HOTAIR: variants seen among roughly 807,000 people sequenced by gnomAD.
HOTAIR encodes HOX transcript antisense RNA, also known as HOX transcript antisense RNA (non-protein coding).
At chr12:53,970,537 A>C (rs1310215466) in intron 1 of HOTAIR, among the ~76,000 whole-genome samples, 2 of 152,124 alleles carry the variant, frequency 1.3e-5, no homozygotes, top group Non-Finnish European at 2.9e-5. Context: ...GATTTGTTGA[A>C]AAACTAAGCC....
chr12:53,972,661 C>A (rs1040162564), intron 1 of HOTAIR, among the ~76,000 whole-genome samples: 1 of 152,138 alleles, frequency 6.6e-6, no homozygotes, highest in African/African-American at 2.4e-5. Context: ...GGTGTCTCTG[C>A]GGGTTGGAAG....
rs1352266435 is a variant in HOTAIR at position 53,973,352 on chromosome 12, C to A, written n.59+1546G>T. 1.2e-6 allele frequency: 2 copies of A among 1,612,456 alleles called. No individual in the cohort carries two copies. The highest frequency in any genetic ancestry group is 1.7e-6 in the Non-Finnish European group (2 of 1,179,460). ...CCTCCAACCTCTATCTGCCCAGTTG[C>A]ACTTACTACATGCCCGAGTTCTCCA... is the stretch of plus-strand genomic sequence containing the variant. On this transcript the variant is annotated intron_variant and non_coding_transcript_variant, in intron 1 of 6. Coordinates refer to ENST00000424518, the Ensembl canonical transcript of HOTAIR. The surrounding 1 kb of genome is among the most constrained non-coding windows in gnomAD (Gnocchi z 4.3).
At chr12:53,971,146 G>T (rs547389991) in intron 1 of HOTAIR, among the ~76,000 whole-genome samples, 1 of 152,218 alleles carries the variant, frequency 6.6e-6, no homozygotes, top group South Asian at 2.1e-4. Context: ...TCTATAAAAA[G>T]GGCTAGAGGA....
chr12:53,965,950 A>T (rs1455041709), intron 5 of HOTAIR: 1 of 152,272 alleles, frequency 6.6e-6, no homozygotes, highest in Non-Finnish European at 1.5e-5. Flanking sequence ...GTGAAGGTCA[A>T]GTTAGCATCG....
chr12:53,972,572 A>G (rs1291649893), intron 1 of HOTAIR, among the ~76,000 whole-genome samples: 1 of 152,318 alleles, frequency 6.6e-6, no homozygotes, highest in African/African-American at 2.4e-5. Flanking sequence ...GAGTCTCTCT[A>G]AGGACTCCAG....
chr12:53,973,609 G>A lies in HOTAIR; in HGVS notation n.59+1289C>T, dbSNP rs769147038. On this transcript the variant is annotated intron_variant and non_coding_transcript_variant, in intron 1 of 6. Transcript: ENST00000424518. The surrounding 1 kb of genome is among the most constrained non-coding windows in gnomAD (Gnocchi z 4.3). ...ATGAAAAACGAAGGCTCCTACGGCG[G>A]CCACCACCACCCCAGCGCCCCGCAC... The A allele has an allele frequency of 1.6e-5, 26 of 1,613,202 alleles. No individual in the cohort carries two copies. The highest frequency in any genetic ancestry group is 2.0e-5 in the Non-Finnish European group (24 of 1,179,962).
chr12:53,972,253 CT>C (rs1009309417), intron 1 of HOTAIR, among the ~76,000 whole-genome samples: 1 of 152,224 alleles, frequency 6.6e-6, no homozygotes, highest in African/African-American at 2.4e-5. Context: ...CATTCCAATC[CT>C]TTTCTTTGGG....
chr12:53,968,248 G>C (rs1939089531), intron 2 of HOTAIR: 1 of 152,178 alleles, frequency 6.6e-6, no homozygotes, highest in African/African-American at 2.4e-5. Flanking sequence ...CCAGCTCCAA[G>C]AGTGTACACA....
At chr12:53,964,822 T>C (rs1939021712) in intron 5 of HOTAIR, among the ~76,000 whole-genome samples, 1 of 152,096 alleles carries the variant, frequency 6.6e-6, no homozygotes, top group Non-Finnish European at 1.5e-5. Context: ...CAGGAGCTTA[T>C]AGATTTTGGA....
intron 1 of HOTAIR, among the ~76,000 whole-genome samples, chr12:53,970,500 G>T (rs1316723336): frequency 1.3e-5 from 2 of 152,214 alleles, no homozygotes; most frequent in Non-Finnish European, 2.9e-5. Flanking sequence ...GACCGTAGCA[G>T]CAACTGACAG....
intron 1 of HOTAIR, chr12:53,968,803 T>C (rs1047782126): frequency 4.6e-5 from 7 of 152,262 alleles, no homozygotes; most frequent in Non-Finnish European, 8.8e-5. Context: ...GCAAAAGATT[T>C]TTTTTTGTTT....
rs1394759722 is a variant in HOTAIR at position 53,973,740 on chromosome 12, G to T, written n.59+1158C>A. ...CTACTGCGGTGGCGGCGACCCGCCC[G>T]CCGAGCCCCCCTGCTCCGGCAAGGG... On this transcript the variant is annotated intron_variant and non_coding_transcript_variant, in intron 1 of 6. Coordinates refer to ENST00000424518, the Ensembl canonical transcript of HOTAIR. The surrounding 1 kb of genome is among the most constrained non-coding windows in gnomAD (Gnocchi z 4.3). The T allele has an allele frequency of 1.9e-6, 3 of 1,612,736 alleles. No homozygotes were observed. The highest frequency in any genetic ancestry group is 1.7e-6 in the Non-Finnish European group (2 of 1,179,802).
intron 5 of HOTAIR, among the ~76,000 whole-genome samples, chr12:53,965,498 C>G (rs978262140): frequency 1.3e-5 from 2 of 152,250 alleles, no homozygotes; most frequent in African/African-American, 2.4e-5. Flanking sequence ...GGGGCAAAAG[C>G]CAGGCTGGGG....
At chr12:53,970,493 C>G (rs950433210) in intron 1 of HOTAIR, among the ~76,000 whole-genome samples, 1 of 152,152 alleles carries the variant, frequency 6.6e-6, no homozygotes, top group Non-Finnish European at 1.5e-5. Context: ...TTTCCTTGAC[C>G]GTAGCAGCAA....
rs984861461 is a variant in HOTAIR at position 53,973,453 on chromosome 12, G to T, written n.59+1445C>A. ...TACTCGGCCCAAGTGCCCCCGGTCC[G>T]GGAGGTCTCCTACGGCCTGGAGCCA... On this transcript the variant is annotated intron_variant and non_coding_transcript_variant, in intron 1 of 6. Transcript: ENST00000424518. This position sits in a 1 kb window ranked among gnomAD's most constrained non-coding sequence, Gnocchi z 4.3. The T allele has an allele frequency of 6.2e-7, 1 of 1,614,050 alleles. No homozygotes were observed.
At chr12:53,966,501 G>C (rs1321442454) in intron 3 of HOTAIR, 1 of 152,556 alleles carries the variant, frequency 6.6e-6, no homozygotes, top group South Asian at 2.1e-4. Context: ...TGAGGCAGCA[G>C]GGGTGGGGAG....
rs748624439 is a variant in HOTAIR at position 53,973,674 on chromosome 12, A to T, written n.59+1224T>A. On this transcript the variant is annotated intron_variant and non_coding_transcript_variant, in intron 1 of 6. Transcript: ENST00000424518. This position sits in a 1 kb window ranked among gnomAD's most constrained non-coding sequence, Gnocchi z 4.3. ...CTTCTACTCCTCAGTCAACAAGAACAGCGTCCTGCCTCAAGCCTTCGACCG... is the reference window on the plus strand; with the variant it reads ...CTTCTACTCCTCAGTCAACAAGAACTGCGTCCTGCCTCAAGCCTTCGACCG... The T allele has an allele frequency of 6.2e-7, 1 of 1,613,584 alleles. No homozygotes were observed. Among genetic ancestry groups the T allele is most frequent in the East Asian group, 2.2e-5 (1 of 44,846 alleles).
chr12:53,967,625 G>A (rs2136372148), intron 2 of HOTAIR, among the ~76,000 whole-genome samples: 1 of 152,330 alleles, frequency 6.6e-6, no homozygotes, highest in East Asian at 1.9e-4. Flanking sequence ...CTCTTTGGCA[G>A]TATCTAGAGT....
Position 53,973,230 on chromosome 12 carries a change from G to A in HOTAIR, n.59+1668C>T, listed in dbSNP as rs1939179196. 2 of 1,549,466 alleles carry A rather than the reference G, an allele frequency of 1.3e-6. No individual in the cohort carries two copies. On this transcript the variant is annotated intron_variant and non_coding_transcript_variant, in intron 1 of 6. Coordinates refer to ENST00000424518, the Ensembl canonical transcript of HOTAIR. The surrounding 1 kb of genome is among the most constrained non-coding windows in gnomAD (Gnocchi z 4.3). ...CAAAACCTCCATCCGGAGCCGGCAG[G>A]AGAGGAGAACGATGTTTAACTCGGT...
Sources: gnomAD v4.1 joint callset for allele counts (sites outside exome capture counted in the v4.1 genomes callset) on GRCh38, gnomAD v4.1.1 for gene constraint, Gnocchi (gnomAD v3.1) non-coding constraint, MANE v1.5 for transcripts, NCBI Gene and HGNC (gene_info 2026-07-23, HGNC 2026-07-21) for gene names.